Variants in ZFAND3 observed in about 807,000 individuals in gnomAD.
ZFAND3 encodes the protein zinc finger AN1-type containing 3, also known as AN1-type zinc finger protein 3.
In ZFAND3, 10 loss-of-function variants were observed where a neutral mutation model predicts 29.6. The ratio of observed to expected loss-of-function variants is 0.34; its 90% confidence interval spans 0.21 to 0.57. The LOEUF is 0.57. Ranked by LOEUF, ZFAND3 falls within the 20% of genes least tolerant of loss-of-function variation. The probability of loss-of-function intolerance (pLI) is 0.86; values close to 1 mark genes in which losing one functional copy is unlikely to be tolerated. For synonymous variants in ZFAND3, 128 were observed against 112.6 expected (o/e 1.14, Z -0.87); for missense variants, 230 against 304.5 (o/e 0.76, Z 1.82).
chr6:37,842,532 G>C (rs1242031517), intron 1 of ZFAND3, among the ~76,000 whole-genome samples: 3 of 151,832 alleles, frequency 2.0e-5, no homozygotes, highest in African/African-American at 7.3e-5. Flanking sequence ...TTATTTCATT[G>C]TATAACTATA....
rs1468476733 is a variant in ZFAND3, at chr6:38,152,428, C to T, written c.*39C>T. The T allele has an allele frequency of 2.0e-6, 3 of 1,512,714 alleles. No individual in the cohort carries two copies. Among genetic ancestry groups the T allele is most frequent in the Admixed American group, 4.4e-5 (2 of 45,030 alleles). 93.7% of individuals were successfully genotyped at this position (1,512,714 alleles called of 1,614,324 possible). ...CCACCACGTGACGCTGTTCTTAGTTCACTAATGTTAGCCTTATTTAGGACA... is the reference window on the plus strand; with the variant it reads ...CCACCACGTGACGCTGTTCTTAGTTTACTAATGTTAGCCTTATTTAGGACA... On this transcript the variant is annotated 3_prime_UTR_variant, in exon 6 of 6. Coordinates refer to ENST00000287218, the MANE Select transcript of ZFAND3 (RefSeq NM_021943.3).
chr6:37,837,379 C>A (rs1380295392), intron 1 of ZFAND3, among the ~76,000 whole-genome samples: 6 of 152,064 alleles, frequency 3.9e-5, no homozygotes, highest in Non-Finnish European at 8.8e-5. Context: ...GTGTGATTTT[C>A]TGTAAACATT....
At chr6:37,821,024 T>A (rs1185535458) in intron 1 of ZFAND3, among the ~76,000 whole-genome samples, 1 of 152,228 alleles carries the variant, frequency 6.6e-6, no homozygotes, top group Non-Finnish European at 1.5e-5. Flanking sequence ...TTTATCGTTT[T>A]GTTTTAGTTT....
intron 2 of ZFAND3, among the ~76,000 whole-genome samples, chr6:38,011,384 G>C (rs1394700927): frequency 6.6e-6 from 1 of 152,158 alleles, no homozygotes; most frequent in African/African-American, 2.4e-5. Context: ...CTGCCAAACT[G>C]TTTTCCAGAG....
chr6:37,909,182 A>G (rs529478335), intron 1 of ZFAND3, among the ~76,000 whole-genome samples: 116 of 152,302 alleles, frequency 7.6e-4, no homozygotes, highest in African/African-American at 2.6e-3. Context: ...TTTAGCACTC[A>G]GCAAGATGAT....
intron 2 of ZFAND3, among the ~76,000 whole-genome samples, chr6:37,968,867 A>G (rs936447707): frequency 6.6e-6 from 1 of 152,224 alleles, no homozygotes; most frequent in African/African-American, 2.4e-5. Context: ...GAGTGTGTCC[A>G]GTAATCTGCG....
intron 1 of ZFAND3, among the ~76,000 whole-genome samples, chr6:37,910,983 G>A (rs1001392292): frequency 5.3e-5 from 8 of 152,150 alleles, no homozygotes; most frequent in African/African-American, 1.7e-4. Flanking sequence ...TGGCTATTGT[G>A]AATAATGCTG....
chr6:37,956,813 G>T (rs1762092513), intron 2 of ZFAND3, among the ~76,000 whole-genome samples: 1 of 152,130 alleles, frequency 6.6e-6, no homozygotes, highest in African/African-American at 2.4e-5. Flanking sequence ...AGTATGGATG[G>T]TCTCATTAAG....
chr6:37,872,683 A>G (rs1328713117), intron 1 of ZFAND3, among the ~76,000 whole-genome samples: 2 of 152,088 alleles, frequency 1.3e-5, no homozygotes, highest in Non-Finnish European at 2.9e-5. Flanking sequence ...TGTGTTTATG[A>G]GGTTATTCTA....
intron 4 of ZFAND3, among the ~76,000 whole-genome samples, chr6:38,098,357 C>T (rs1457879454): frequency 1.3e-5 from 2 of 152,176 alleles, no homozygotes; most frequent in Admixed American, 6.5e-5. Flanking sequence ...ACCATGTTGG[C>T]CAGGCTGGTC....
chr6:38,069,731 A>G (rs1764415751), intron 3 of ZFAND3, among the ~76,000 whole-genome samples: 1 of 152,250 alleles, frequency 6.6e-6, no homozygotes, highest in South Asian at 2.1e-4. Flanking sequence ...ACAGGAGTTG[A>G]GCAGTTCAGC....
chr6:37,959,716 T>C (rs181370363), intron 2 of ZFAND3, among the ~76,000 whole-genome samples: 2 of 152,340 alleles, frequency 1.3e-5, no homozygotes, highest in South Asian at 2.1e-4. Flanking sequence ...TGGAGCTGTT[T>C]CCTGGTTGTA....
Position 37,860,037 on chromosome 6 carries a change from A to AT in ZFAND3, c.71+40021_71+40022insT, listed in dbSNP as rs1441648098. Among the ~76,000 whole-genome samples, 8 of 133,494 alleles carry AT rather than the reference A, an allele frequency of 6.0e-5. No individual in the cohort carries two copies. The East Asian group carries it at 1.6e-3, about 27-fold the overall frequency. The allele number at this position is 133,494 out of a possible 152,430, so 87.6% of individuals were successfully genotyped here. ...CAGGAGCCTGCCACTACGCCCAGCT[A>AT]ATTTTTTTTTTTTTTTTGTATTTTT... On this transcript the variant is annotated intron_variant, in intron 1 of 5. Coordinates refer to ENST00000287218, the MANE Select transcript of ZFAND3 (RefSeq NM_021943.3).
intron 1 of ZFAND3, among the ~76,000 whole-genome samples, chr6:37,914,945 T>C (rs1468665245): frequency 1.3e-5 from 2 of 152,176 alleles, no homozygotes; most frequent in Admixed American, 6.6e-5. Flanking sequence ...CATTGACTTA[T>C]CCTTTCTAAC....
chr6:38,007,005 A>T (rs1763062220), intron 2 of ZFAND3, among the ~76,000 whole-genome samples: 1 of 152,172 alleles, frequency 6.6e-6, no homozygotes, highest in Non-Finnish European at 1.5e-5. Flanking sequence ...AGTTATTTGA[A>T]TTTGTTAGTT....
At chr6:37,845,105 T>C (rs1764154447) in intron 1 of ZFAND3, among the ~76,000 whole-genome samples, 1 of 151,898 alleles carries the variant, frequency 6.6e-6, no homozygotes, top group African/African-American at 2.4e-5. Flanking sequence ...TTCTACCATA[T>C]TCCGTGGTCA....
intron 3 of ZFAND3, among the ~76,000 whole-genome samples, chr6:38,076,292 G>A (rs1168039654): frequency 6.6e-6 from 1 of 152,000 alleles, no homozygotes; most frequent in African/African-American, 2.4e-5. Flanking sequence ...CTACAACATA[G>A]TATAAATATA....
intron 5 of ZFAND3, among the ~76,000 whole-genome samples, chr6:38,144,181 TATAATATATATA>T (rs1181811449): frequency 2.7e-5 from 1 of 36,706 alleles, no homozygotes; most frequent in Non-Finnish European, 4.4e-5. Context: ...GATATATATA[TATAATATATATA>T]TATATATATA....
At chr6:38,096,043 A>AT (rs1302551030) in intron 4 of ZFAND3, among the ~76,000 whole-genome samples, 3 of 152,158 alleles carry the variant, frequency 2.0e-5, no homozygotes, top group Non-Finnish European at 2.9e-5. Context: ...CAAAAAAAAA[A>AT]GTAATTGCAT....
Sources: gnomAD v4.1 joint callset for allele counts (sites outside exome capture counted in the v4.1 genomes callset) on GRCh38, gnomAD v4.1.1 for gene constraint, MANE v1.5 for transcripts, NCBI Gene and HGNC (gene_info 2026-07-23, HGNC 2026-07-21) for gene names.